EBF2: variants seen among roughly 807,000 people sequenced by gnomAD.
The protein encoded by EBF2 is transcription factor COE2.
Under a neutral mutation model 72.8 loss-of-function variants are expected in EBF2, and 21 were observed. The ratio of observed to expected loss-of-function variants is 0.29; its 90% CI spans 0.20 to 0.42. The LOEUF is 0.42. Among genes scored for constraint, EBF2 ranks in the 10% least tolerant of loss-of-function variants. The pLI, the probability that EBF2 is intolerant of heterozygous loss-of-function variation, is 1.00. For synonymous variants in EBF2, 299 were observed against 274.2 expected (o/e 1.09, Z -0.89); for missense variants, 637 against 731.2 (o/e 0.87, Z 1.49).
chr8:26,039,738 C>G (rs1425130152), intron 5 of EBF2, among the ~76,000 whole-genome samples: 1 of 152,214 alleles, frequency 6.6e-6, no homozygotes, highest in Non-Finnish European at 1.5e-5. Flanking sequence ...CAGCCCGCTT[C>G]CACCACTACC....
intron 10 of EBF2, among the ~76,000 whole-genome samples, chr8:25,871,770 T>C (rs1802443034): frequency 6.6e-6 from 1 of 152,210 alleles, no homozygotes; most frequent in African/African-American, 2.4e-5. Flanking sequence ...TACCTTGAGA[T>C]TTCATAATAT....
intron 7 of EBF2, among the ~76,000 whole-genome samples, chr8:25,895,568 A>G (rs986167192): frequency 5.1e-4 from 78 of 152,352 alleles, no homozygotes; most frequent in African/African-American, 1.8e-3. Context: ...GTACGTTAGC[A>G]GTCTTCTACC....
intron 6 of EBF2, among the ~76,000 whole-genome samples, chr8:25,947,095 A>C (rs943019387): frequency 6.6e-6 from 1 of 152,130 alleles, no homozygotes; most frequent in Non-Finnish European, 1.5e-5. Flanking sequence ...TGCTCAACCC[A>C]TGACCCACTG....
intron 3 of EBF2, 95 bp downstream of exon 3, chr8:26,040,844 A>C (rs1221300336): frequency 1.6e-5 from 25 of 1,566,366 alleles, no homozygotes; most frequent in East Asian, 2.3e-5. Context: ...CCTGGGCTCC[A>C]TGCGATCCCT....
At chr8:25,942,982 C>T (rs577963639) in intron 6 of EBF2, among the ~76,000 whole-genome samples, 5 of 152,240 alleles carry the variant, frequency 3.3e-5, no homozygotes, top group South Asian at 2.1e-4. Flanking sequence ...GATTTCCCTC[C>T]GTGAAACCTA....
In EBF2 at chr8:25,843,984, C is replaced by G. The variant is rs1234653781; in HGVS notation, c.*625G>C. On this transcript the variant is annotated 3_prime_UTR_variant, in exon 16 of 16. Transcript: ENST00000520164. ...TCCAAAAAAAGGTCTTAATTTCTAC[C>G]TCTACTTACAATAAGTTACACATTT... The G allele has an allele frequency of 6.6e-6, 1 of 152,182 alleles. No individual in the cohort carries two copies. Among genetic ancestry groups the G allele is most frequent in the African/African-American group, 2.4e-5 (1 of 41,426 alleles). The allele number at this position is 152,182 out of a possible 1,614,324, so 9.4% of individuals were successfully genotyped here.
intron 8 of EBF2, among the ~76,000 whole-genome samples, chr8:25,888,198 T>C (rs113139718): frequency 4.6e-4 from 70 of 152,324 alleles, no homozygotes; most frequent in African/African-American, 1.3e-3. Flanking sequence ...CTTCAAAGGA[T>C]TGGACACACC....
chr8:25,977,562 A>G (rs1214015393), intron 6 of EBF2, among the ~76,000 whole-genome samples: 1 of 152,192 alleles, frequency 6.6e-6, no homozygotes, highest in Non-Finnish European at 1.5e-5. Context: ...GAGCAAGAAG[A>G]GGAAGAAGAA....
rs147262387 is a variant in EBF2, at chr8:25,944,189, C to T, written c.552-35634G>A. Reference sequence around the variant, plus strand: ...AGGGTTCCAGCTCTGGAAGGAGCTACGAGCTAATGGAAGGAAAAGACATAG... The same window carrying T: ...AGGGTTCCAGCTCTGGAAGGAGCTATGAGCTAATGGAAGGAAAAGACATAG... On this transcript the variant is annotated intron_variant, in intron 6 of 15. Transcript: ENST00000520164. Among the ~76,000 whole-genome samples the T allele has an allele frequency of 7.2e-4, 110 of 152,254 alleles. 1 individual carries two copies. Among genetic ancestry groups the T allele is most frequent in the African/African-American group, 2.5e-3 (102 of 41,536 alleles).
chr8:25,893,705 C>G (rs1330369767), intron 7 of EBF2, among the ~76,000 whole-genome samples: 1 of 152,162 alleles, frequency 6.6e-6, no homozygotes, highest in African/African-American at 2.4e-5. Context: ...AGCTCCTTGT[C>G]ATACTGTCCA....
At chr8:25,847,756 G>A (rs1801867887) in intron 15 of EBF2, among the ~76,000 whole-genome samples, 1 of 152,124 alleles carries the variant, frequency 6.6e-6, no homozygotes, top group African/African-American at 2.4e-5. Flanking sequence ...TCTTCCAGTG[G>A]CTAATACTCT....
intron 5 of EBF2, among the ~76,000 whole-genome samples, chr8:26,037,738 A>G (rs1805526471): frequency 6.6e-6 from 1 of 152,232 alleles, no homozygotes; most frequent in Admixed American, 6.5e-5. Flanking sequence ...CGACATAACA[A>G]CTAGATTTCT....
intron 6 of EBF2, among the ~76,000 whole-genome samples, chr8:25,999,638 C>CTTTTTTT (rs201122059): frequency 7.0e-6 from 1 of 142,880 alleles, no homozygotes; most frequent in Non-Finnish European, 1.5e-5. Context: ...TGTCTTTCCT[C>CTTTTTTT]TTTTTTTTTT....
intron 6 of EBF2, among the ~76,000 whole-genome samples, chr8:26,012,970 G>T (rs1200628046): frequency 1.3e-5 from 2 of 152,212 alleles, no homozygotes; most frequent in African/African-American, 4.8e-5. Context: ...CCCACCTGTA[G>T]CAGAGTAGTG....
At chr8:25,907,479 A>G (rs183696835) in intron 7 of EBF2, among the ~76,000 whole-genome samples, 1 of 150,678 alleles carries the variant, frequency 6.6e-6, no homozygotes, top group Non-Finnish European at 1.5e-5. Flanking sequence ...AGAAGACAAC[A>G]GCAAAAGATA....
intron 13 of EBF2, 97 bp from the exon 14 acceptor site, chr8:25,858,601 TGTCACCAGCTGCCCC>T: frequency 1.7e-6 from 2 of 1,186,636 alleles, no homozygotes; most frequent in South Asian, 1.6e-5. Flanking sequence ...GACTGCAGAA[TGTCACCAGCTGCCCC>T]GGGCAGTTGT....
chr8:25,891,388 A>G (rs759540401), intron 7 of EBF2, among the ~76,000 whole-genome samples: 2 of 152,100 alleles, frequency 1.3e-5, no homozygotes, highest in African/African-American at 2.4e-5. Flanking sequence ...GAGAAAAAAA[A>G]AGAACTTATT....
At chr8:25,855,303 T>C (rs1431479432) in intron 14 of EBF2, among the ~76,000 whole-genome samples, 1 of 152,106 alleles carries the variant, frequency 6.6e-6, no homozygotes, top group Non-Finnish European at 1.5e-5. Flanking sequence ...TAATCCCCTA[T>C]TGTCAGGGGT....
At chr8:25,950,188 G>A (rs569820841) in intron 6 of EBF2, among the ~76,000 whole-genome samples, 124 of 152,314 alleles carry the variant, frequency 8.1e-4, no homozygotes, top group Non-Finnish European at 1.5e-3. Context: ...ATGAATAACA[G>A]AATGTTCGCT....
Sources: gnomAD v4.1 joint callset for allele counts (sites outside exome capture counted in the v4.1 genomes callset) on GRCh38, gnomAD v4.1.1 for gene constraint, MANE v1.5 for transcripts, NCBI Gene and HGNC (gene_info 2026-07-23, HGNC 2026-07-21) for gene names.